The following GALNT18 variants were observed in gnomAD, a reference collection of about 807,000 sequenced individuals.
GALNT18 encodes the protein GalNAc-transferase 18.
GALNT18 carries 44 observed loss-of-function variants against 69.5 expected under a neutral mutation model. The ratio of observed to expected loss-of-function variants is 0.63; its 90% confidence interval spans 0.50 to 0.81. GALNT18 has a LOEUF of 0.81. Among genes scored for constraint, GALNT18 ranks in the 40% least tolerant of loss-of-function variants. GALNT18 has a pLI of 0.00. For missense variants in GALNT18, 715 were observed against 810.0 expected, an observed-to-expected ratio of 0.88 and a Z score of 1.42; for synonymous variants, 364 against 318.2, an observed-to-expected ratio of 1.14 and a Z score of -1.53.
rs1475015867 is a variant in GALNT18 at position 11,444,884 on chromosome 11, G to A, written c.428+3860C>T. The stretch of plus-strand genomic sequence containing the variant: ...CAAGAGGCACAGGGGCTCCGGCTAT[G>A]GCAAGAGCCACACAGCATGAATCTT... On this transcript the variant is annotated intron_variant, in intron 2 of 10. Transcript: ENST00000227756. This position sits in a 1 kb window ranked among gnomAD's most constrained non-coding sequence, Gnocchi z 4.4. Among the ~76,000 whole-genome samples the A allele has an allele frequency of 6.6e-6, 1 of 152,196 alleles. No individual in the cohort carries two copies. Among genetic ancestry groups the A allele is most frequent in the Non-Finnish European group, 1.5e-5 (1 of 68,034 alleles).
chr11:11,313,968 C>T (rs11021791), intron 9 of GALNT18, among the ~76,000 whole-genome samples: 13,655 of 152,176 alleles, frequency 0.09, 777 homozygotes, highest in Non-Finnish European at 0.13. Context: ...GTTCTGTGCC[C>T]GATTTGGTGC....
intron 3 of GALNT18, among the ~76,000 whole-genome samples, chr11:11,392,889 T>C (rs1376956306): frequency 5.9e-5 from 9 of 152,226 alleles, no homozygotes; most frequent in Non-Finnish European, 5.9e-5. Context: ...TAAAGTCATA[T>C]AGCTAAGGAA....
Position 11,541,852 on chromosome 11 carries a change from G to T in GALNT18, c.235+79507C>A, listed in dbSNP as rs1172396913. Among the ~76,000 whole-genome samples, 2 of 152,206 alleles carry T rather than the reference G, an allele frequency of 1.3e-5. No homozygotes were observed. Among genetic ancestry groups the T allele is most frequent in the Non-Finnish European group, 2.9e-5 (2 of 68,042 alleles). On this transcript the variant is annotated intron_variant, in intron 1 of 10. Transcript: ENST00000227756. This position sits in a 1 kb window ranked among gnomAD's most constrained non-coding sequence, Gnocchi z 4.8. ...GAAGCCTCTCCCGAAGAGTGAGCAGGTTGCTTTCCCTCAGCCTGGCCACCC... is the reference window on the plus strand; with the variant it reads ...GAAGCCTCTCCCGAAGAGTGAGCAGTTTGCTTTCCCTCAGCCTGGCCACCC...
Position 11,500,398 on chromosome 11 carries a change from G to A in GALNT18, c.236-51462C>T, listed in dbSNP as rs1001137474. Among the ~76,000 whole-genome samples, 1 of 152,200 alleles carries A rather than the reference G, an allele frequency of 6.6e-6. No individual in the cohort carries two copies. The highest frequency in any genetic ancestry group is 2.4e-5 in the African/African-American group (1 of 41,450). On this transcript the variant is annotated intron_variant, in intron 1 of 10. Transcript: ENST00000227756. The surrounding 1 kb of genome is among the most constrained non-coding windows in gnomAD (Gnocchi z 5.0). ...TTCTGAGGCTTCATTTCCTCACATGGAAAGTGGTGATGGTAACACCTACCT... is the reference window on the plus strand; with the variant it reads ...TTCTGAGGCTTCATTTCCTCACATGAAAAGTGGTGATGGTAACACCTACCT...
chr11:11,297,144 T>C (rs1849416111), intron 9 of GALNT18, among the ~76,000 whole-genome samples: 1 of 152,094 alleles, frequency 6.6e-6, no homozygotes, highest in African/African-American at 2.4e-5. Flanking sequence ...GTGGCTGGTC[T>C]GGGATCCCAC....
At position 11,335,081 on chromosome 11, in the gene GALNT18, G is replaced by C. The variant is rs144628184; in HGVS notation, c.1279-2250C>G. ...TGTGACTAAATTTAACACTGTGTCTGTTTTATAGGGAGCCAGTAGAAGAAC... is the reference window on the plus strand; with the variant it reads ...TGTGACTAAATTTAACACTGTGTCTCTTTTATAGGGAGCCAGTAGAAGAAC... On this transcript the variant is annotated intron_variant, in intron 7 of 10. Transcript: ENST00000227756. Among the ~76,000 whole-genome samples, 38 of 152,300 alleles carry C rather than the reference G, an allele frequency of 2.5e-4. No homozygotes were observed. The East Asian group carries it at 7.3e-3, about 29-fold the overall frequency.
intron 10 of GALNT18, among the ~76,000 whole-genome samples, chr11:11,281,457 G>A (rs1849073745): frequency 6.6e-6 from 1 of 152,206 alleles, no homozygotes; most frequent in Non-Finnish European, 1.5e-5. Context: ...AAGTGCCGCT[G>A]CCCACTCAGC....
Position 11,592,583 on chromosome 11 carries a change from T to G in GALNT18, c.235+28776A>C, listed in dbSNP as rs1859384959. Among the ~76,000 whole-genome samples, 1 of 151,996 alleles carries G rather than the reference T, an allele frequency of 6.6e-6. No homozygotes were observed. The highest frequency in any genetic ancestry group is 1.5e-5 in the Non-Finnish European group (1 of 67,992). Reference sequence around the variant, plus strand: ...GCACAAGCTCAAAACAACTTTCAGTTACGAAAAAGGGTATAAACCGCCATT... The same window carrying G: ...GCACAAGCTCAAAACAACTTTCAGTGACGAAAAAGGGTATAAACCGCCATT... On this transcript the variant is annotated intron_variant, in intron 1 of 10. Transcript: ENST00000227756. The surrounding 1 kb of genome is among the most constrained non-coding windows in gnomAD (Gnocchi z 5.9).
At chr11:11,589,471 TC>T (rs1859302350) in intron 1 of GALNT18, among the ~76,000 whole-genome samples, 1 of 152,062 alleles carries the variant, frequency 6.6e-6, no homozygotes, top group South Asian at 2.1e-4. Context: ...CAAATATGAA[TC>T]AAAAGGAAAA....
intron 1 of GALNT18, among the ~76,000 whole-genome samples, chr11:11,515,573 C>G (rs1379343516): frequency 1.3e-5 from 2 of 152,154 alleles, no homozygotes; most frequent in Non-Finnish European, 2.9e-5. Context: ...CAAATAAACC[C>G]ACAATGATGA....
At chr11:11,297,194 GA>G (rs1442292904) in intron 9 of GALNT18, among the ~76,000 whole-genome samples, 2 of 152,086 alleles carry the variant, frequency 1.3e-5, no homozygotes, top group Admixed American at 6.6e-5. Context: ...CCACAGCAAA[GA>G]ATTATCTAGC....
At chr11:11,280,717 G>C (rs1477959523) in intron 10 of GALNT18, among the ~76,000 whole-genome samples, 1 of 152,148 alleles carries the variant, frequency 6.6e-6, no homozygotes, top group East Asian at 1.9e-4. Context: ...TGACCACAGT[G>C]CCCAGGGTCA....
intron 6 of GALNT18, among the ~76,000 whole-genome samples, chr11:11,360,736 T>C (rs1336099090): frequency 6.6e-6 from 1 of 152,222 alleles, no homozygotes; most frequent in East Asian, 1.9e-4. Flanking sequence ...TTAATATTCA[T>C]TTCTTCAGGA....
At chr11:11,352,808 A>G (rs762925427) in intron 6 of GALNT18, 24 of 1,614,096 alleles carry the variant, frequency 1.5e-5, no homozygotes, top group South Asian at 5.5e-5. Context: ...TTCGTGACAC[A>G]GGGTCTTTTA....
chr11:11,620,316 AGC>A lies in GALNT18; in HGVS notation c.235+1041_235+1042del, dbSNP rs61471579. On this transcript the variant is annotated intron_variant, in intron 1 of 10. Coordinates refer to ENST00000227756, the MANE Select transcript of GALNT18 (RefSeq NM_198516.3). The surrounding 1 kb of genome is among the most constrained non-coding windows in gnomAD (Gnocchi z 6.9). The stretch of plus-strand genomic sequence containing the variant: ...GGGGAGGGGAGGAAGTGTGGACGTG[AGC>A]GCGCGCGCGCGCGCGTGTGTGTGTG... Among the ~76,000 whole-genome samples, 50,230 of 147,786 alleles carry A rather than the reference AGC, an allele frequency of 0.34. 10,079 individuals carry two copies. The highest frequency in any genetic ancestry group is 0.44 in the Non-Finnish European group (29,269 of 66,332).
chr11:11,533,501 G>A (rs753151511), intron 1 of GALNT18, among the ~76,000 whole-genome samples: 2 of 152,126 alleles, frequency 1.3e-5, no homozygotes, highest in African/African-American at 2.4e-5. Flanking sequence ...GGAGTGAGGC[G>A]ACGTTCGCTC....
rs1024118825 is a variant in GALNT18, at chr11:11,413,982, C to T, written c.595+18639G>A. Among the ~76,000 whole-genome samples the T allele has an allele frequency of 2.0e-5, 3 of 152,190 alleles. No homozygotes were observed. In the East Asian group the frequency reaches 5.8e-4, roughly 29 times the overall value. On this transcript the variant is annotated intron_variant, in intron 3 of 10. Transcript: ENST00000227756. The surrounding 1 kb of genome is among the most constrained non-coding windows in gnomAD (Gnocchi z 4.7). ...CTGTTCTTCCTCTAATTCTGTCTGG[C>T]CCATCTTGCAAACTGCACTGTCCTT...
chr11:11,552,152 G>C (rs1858211776), intron 1 of GALNT18, among the ~76,000 whole-genome samples: 1 of 147,796 alleles, frequency 6.8e-6, no homozygotes, highest in African/African-American at 2.4e-5. Flanking sequence ...AGAAGGAAAA[G>C]GAGAAAGCAG....
rs1647812186 is a variant in GALNT18, at chr11:11,500,053, C to A, written c.236-51117G>T. On this transcript the variant is annotated intron_variant, in intron 1 of 10. Coordinates refer to ENST00000227756, the MANE Select transcript of GALNT18 (RefSeq NM_198516.3). The surrounding 1 kb of genome is among the most constrained non-coding windows in gnomAD (Gnocchi z 5.0). ...AAGATCAAGAGAAAGGGAGCAAAATCAAAAAGAGAGGCCAAGCATTGTTGA... is the reference window on the plus strand; with the variant it reads ...AAGATCAAGAGAAAGGGAGCAAAATAAAAAAGAGAGGCCAAGCATTGTTGA... Among the ~76,000 whole-genome samples the A allele has an allele frequency of 6.6e-6, 1 of 152,144 alleles. No homozygotes were observed. The highest frequency in any genetic ancestry group is 1.5e-5 in the Non-Finnish European group (1 of 68,016).
Sources: gnomAD v4.1 joint callset for allele counts (sites outside exome capture counted in the v4.1 genomes callset) on GRCh38, gnomAD v4.1.1 for gene constraint, Gnocchi (gnomAD v3.1) non-coding constraint, MANE v1.5 for transcripts, NCBI Gene and HGNC (gene_info 2026-07-23, HGNC 2026-07-21) for gene names.